The following GPC6 variants were observed in gnomAD, a reference collection of about 807,000 sequenced individuals.
GPC6 encodes glypican 6, also known as glypican-6.
A neutral mutation model predicts 55.2 loss-of-function variants in GPC6; 14 were observed. The observed-to-expected ratio is 0.25, with a 90% CI of 0.17 to 0.40. The LOEUF (loss-of-function observed/expected upper bound fraction) is 0.40, where lower values mean the gene tolerates loss of function less well. Among genes scored for constraint, GPC6 ranks in the 10% least tolerant of loss-of-function variants. GPC6 has a pLI of 1.00. For synonymous variants in GPC6, 278 were observed against 259.6 expected (o/e 1.07, Z -0.68); for missense variants, 641 against 708.5 (o/e 0.90, Z 1.08).
intron 2 of GPC6, among the ~76,000 whole-genome samples, chr13:93,635,825 A>G: frequency 6.6e-6 from 1 of 152,110 alleles, no homozygotes; most frequent in South Asian, 2.1e-4. Context: ...ACATGTTACC[A>G]CTTTTTGGTG....
intron 7 of GPC6, among the ~76,000 whole-genome samples, chr13:94,397,925 C>T (rs1409360939): frequency 6.6e-6 from 1 of 152,100 alleles, no homozygotes; most frequent in Non-Finnish European, 1.5e-5. Flanking sequence ...GCTGTTACCC[C>T]ATGCTGCTGT....
intron 1 of GPC6, among the ~76,000 whole-genome samples, chr13:93,542,381 A>G (rs936404104): frequency 1.3e-5 from 2 of 152,068 alleles, no homozygotes; most frequent in Non-Finnish European, 2.9e-5. Context: ...CCATTGATCT[A>G]TATCTCTGTT....
chr13:94,175,967 G>C, intron 4 of GPC6, among the ~76,000 whole-genome samples: 1 of 140,586 alleles, frequency 7.1e-6, no homozygotes, highest in Non-Finnish European at 1.6e-5. Context: ...GAGAGAGAGA[G>C]AGAGAGAGAG....
intron 2 of GPC6, among the ~76,000 whole-genome samples, chr13:93,760,802 C>T (rs1884929671): frequency 6.6e-6 from 1 of 152,112 alleles, no homozygotes; most frequent in Non-Finnish European, 1.5e-5. Context: ...CCTTTTTGTT[C>T]CTCTAGTTAT....
chr13:94,085,252 G>A lies in GPC6; in HGVS notation c.877+57358G>A, dbSNP rs774390248. ...CAGGAGAGTTCCTTGAACCCAGGAG[G>A]CGGAGGTTGCAGTGAGCCGAGATCA... On this transcript the variant is annotated intron_variant, in intron 4 of 8. Coordinates refer to ENST00000377047, the MANE Select transcript of GPC6 (RefSeq NM_005708.5). Among the ~76,000 whole-genome samples the A allele has an allele frequency of 6.7e-4, 98 of 146,768 alleles. 1 individual carries two copies. The highest frequency in any genetic ancestry group is 1.2e-3 in the Non-Finnish European group (83 of 67,226).
At position 94,260,703 on chromosome 13, in the gene GPC6, A is replaced by G. The variant is rs548654474; in HGVS notation, c.878-25646A>G. 6.6e-5 allele frequency among the ~76,000 whole-genome samples: 10 copies of G among 152,250 alleles called. No individual in the cohort carries two copies. The East Asian group carries it at 1.2e-3, about 18-fold the overall frequency. The stretch of plus-strand genomic sequence containing the variant: ...GGAGAAAAGAGCCCACAGCCACATC[A>G]TAGGGCCTGGTGACTACTGATCTTT... On this transcript the variant is annotated intron_variant, in intron 4 of 8. Transcript: ENST00000377047.
In GPC6 at chr13:93,698,485, C is replaced by CTTTT. The variant is rs57058820; in HGVS notation, c.320-131647_320-131644dup. Among the ~76,000 whole-genome samples the CTTTT allele has an allele frequency of 5.1e-3, 165 of 32,436 alleles. 13 individuals are homozygous for CTTTT. The highest frequency in any genetic ancestry group is 7.1e-3 in the Non-Finnish European group (130 of 18,240). 21.3% of individuals were successfully genotyped at this position (32,436 alleles called of 152,430 possible). On this transcript the variant is annotated intron_variant, in intron 2 of 8. Coordinates refer to ENST00000377047, the MANE Select transcript of GPC6 (RefSeq NM_005708.5). ...TTATCTATTCTGCTACTGTGTGGGT[C>CTTTT]TTTTTTTTTTTTTTTTTTTTTTTTT...
chr13:94,276,781 A>T (rs1313884123), intron 4 of GPC6, among the ~76,000 whole-genome samples: 1 of 152,116 alleles, frequency 6.6e-6, no homozygotes, highest in Non-Finnish European at 1.5e-5. Context: ...ATTCCTTTTT[A>T]TGACTGCATA....
chr13:93,364,748 A>C (rs1210216467), intron 1 of GPC6, among the ~76,000 whole-genome samples: 1 of 151,382 alleles, frequency 6.6e-6, no homozygotes, highest in Non-Finnish European at 1.5e-5. Flanking sequence ...TATGTATTTT[A>C]TATATATGTA....
intron 3 of GPC6, among the ~76,000 whole-genome samples, chr13:93,964,045 C>T (rs1879907709): frequency 6.6e-6 from 1 of 152,054 alleles, no homozygotes; most frequent in Non-Finnish European, 1.5e-5. Flanking sequence ...TCTTTTCCTC[C>T]ACCTCCCCCC....
intron 4 of GPC6, among the ~76,000 whole-genome samples, chr13:94,087,884 G>C (rs975248173): frequency 4.6e-5 from 7 of 152,190 alleles, no homozygotes; most frequent in Non-Finnish European, 1.0e-4. Context: ...GTATCCTTTG[G>C]AGAAGCACTG....
chr13:93,893,971 A>T (rs1875844355), intron 3 of GPC6, among the ~76,000 whole-genome samples: 1 of 152,202 alleles, frequency 6.6e-6, no homozygotes. Flanking sequence ...CAGCTCATGT[A>T]AATATCAGAT....
At chr13:93,502,680 A>G (rs1039436272) in intron 1 of GPC6, among the ~76,000 whole-genome samples, 4 of 152,142 alleles carry the variant, frequency 2.6e-5, no homozygotes, top group Non-Finnish European at 2.9e-5. Flanking sequence ...ATAGTATGTT[A>G]TAACGTTTTT....
At chr13:93,866,361 C>T (rs1308195420) in intron 3 of GPC6, among the ~76,000 whole-genome samples, 3 of 151,670 alleles carry the variant, frequency 2.0e-5, no homozygotes, top group African/African-American at 7.3e-5. Context: ...GGTCCAGAAA[C>T]ATGTATCTTT....
chr13:93,427,030 T>C (rs1198446307), intron 1 of GPC6, among the ~76,000 whole-genome samples: 1 of 150,466 alleles, frequency 6.6e-6, no homozygotes, highest in Non-Finnish European at 1.5e-5. Context: ...GCTGCATAAA[T>C]GTCTTCTTTT....
chr13:93,964,305 T>C (rs1594625619), intron 3 of GPC6, among the ~76,000 whole-genome samples: 1 of 152,100 alleles, frequency 6.6e-6, no homozygotes, highest in Non-Finnish European at 1.5e-5. Context: ...GTACTAACCC[T>C]GGGAAAATGA....
intron 1 of GPC6, among the ~76,000 whole-genome samples, chr13:93,453,158 A>G (rs1163423510): frequency 6.6e-6 from 1 of 152,222 alleles, no homozygotes; most frequent in Non-Finnish European, 1.5e-5. Flanking sequence ...TTCTTGAATT[A>G]TTAACTACTG....
At chr13:94,033,320 A>G (rs1386002924) in intron 4 of GPC6, among the ~76,000 whole-genome samples, 1 of 152,196 alleles carries the variant, frequency 6.6e-6, no homozygotes, top group African/African-American at 2.4e-5. Context: ...GCCACAAGGA[A>G]GCTGTGTTAG....
intron 4 of GPC6, among the ~76,000 whole-genome samples, chr13:94,044,090 C>T (rs1377701701): frequency 4.0e-5 from 6 of 151,596 alleles, no homozygotes; most frequent in Admixed American, 3.9e-4. Flanking sequence ...TAGCTATGTC[C>T]CCCCACCTTT....
Sources: gnomAD v4.1 joint callset for allele counts (sites outside exome capture counted in the v4.1 genomes callset) on GRCh38, gnomAD v4.1.1 for gene constraint, MANE v1.5 for transcripts, NCBI Gene and HGNC (gene_info 2026-07-23, HGNC 2026-07-21) for gene names.